Variants in SPAG16 observed in about 807,000 individuals in gnomAD.
SPAG16 encodes sperm-associated antigen 16 protein.
Under a neutral mutation model 80.4 loss-of-function variants are expected in SPAG16, and 86 were observed. That is an observed-to-expected ratio of 1.07 (90% CI 0.90 to 1.28). The LOEUF (loss-of-function observed/expected upper bound fraction) is 1.28, where lower values mean the gene tolerates loss of function less well. SPAG16 is among the 50% of genes most tolerant of loss of function. The pLI is 0.00. For missense variants in SPAG16, 870 were observed against 765.3 expected (o/e 1.14, Z -1.61); for synonymous variants, 294 against 265.9 (o/e 1.11, Z -1.03).
intron 13 of SPAG16, among the ~76,000 whole-genome samples, chr2:214,041,457 T>TC (rs1217454575): frequency 6.6e-6 from 1 of 151,602 alleles, no homozygotes; most frequent in Non-Finnish European, 1.5e-5. Flanking sequence ...AGTTTCTTTT[T>TC]TTTTTTTAAA....
chr2:213,573,425 CTT>C (rs2060001625), intron 10 of SPAG16, among the ~76,000 whole-genome samples: 1 of 152,182 alleles, frequency 6.6e-6, no homozygotes, highest in Non-Finnish European at 1.5e-5. Context: ...AAAAATAAAA[CTT>C]TCACCAAAAT....
chr2:213,351,415 C>T (rs1359996036), intron 7 of SPAG16, among the ~76,000 whole-genome samples: 2 of 152,118 alleles, frequency 1.3e-5, no homozygotes, highest in East Asian at 1.9e-4. Flanking sequence ...AAAACTCCCT[C>T]ATAGGTACTG....
At chr2:213,869,490 C>T (rs972212676) in intron 11 of SPAG16, among the ~76,000 whole-genome samples, 1 of 151,366 alleles carries the variant, frequency 6.6e-6, no homozygotes, top group African/African-American at 2.4e-5. Context: ...ACATAGTAGA[C>T]TTTTATTAAG....
At chr2:213,361,437 C>T (rs531029912) in intron 7 of SPAG16, among the ~76,000 whole-genome samples, 2 of 149,298 alleles carry the variant, frequency 1.3e-5, no homozygotes, top group African/African-American at 4.9e-5. Context: ...TATTTTAGGT[C>T]TGTCTGCTTG....
intron 4 of SPAG16, among the ~76,000 whole-genome samples, chr2:213,311,129 T>C (rs1290748360): frequency 6.6e-6 from 1 of 151,854 alleles, no homozygotes; most frequent in Admixed American, 6.6e-5. Flanking sequence ...AGGAGAATTA[T>C]TTTTCATTAA....
chr2:213,442,744 A>T (rs13385229), intron 9 of SPAG16, among the ~76,000 whole-genome samples: 3,669 of 152,278 alleles, frequency 0.024, 149 homozygotes, highest in African/African-American at 0.082. Flanking sequence ...CACAAGGCTT[A>T]TATCTTTATA....
intron 15 of SPAG16, among the ~76,000 whole-genome samples, chr2:214,169,744 A>G (rs1483217328): frequency 1.3e-5 from 2 of 152,106 alleles, no homozygotes; most frequent in Non-Finnish European, 2.9e-5. Context: ...TTAAACTTTC[A>G]GTTAAATGTG....
intron 10 of SPAG16, among the ~76,000 whole-genome samples, chr2:213,847,694 T>A (rs147112464): frequency 6.6e-6 from 1 of 152,186 alleles, no homozygotes; most frequent in East Asian, 1.9e-4. Flanking sequence ...TGCATTCTTA[T>A]GCCTACATAA....
chr2:213,982,780 C>T (rs1169700973), intron 12 of SPAG16, among the ~76,000 whole-genome samples: 1 of 151,944 alleles, frequency 6.6e-6, no homozygotes, highest in East Asian at 1.9e-4. Context: ...GAAAGTTAAC[C>T]TTGAAGTGGT....
intron 10 of SPAG16, among the ~76,000 whole-genome samples, chr2:213,744,189 C>T (rs2067709090): frequency 6.6e-6 from 1 of 152,164 alleles, no homozygotes; most frequent in African/African-American, 2.4e-5. Context: ...TTGGACAGCT[C>T]TGAACCAAAG....
chr2:214,240,857 G>C (rs1486809848), intron 15 of SPAG16: 1 of 152,072 alleles, frequency 6.6e-6, no homozygotes, highest in African/African-American at 2.4e-5. Flanking sequence ...TGCTGAAAAA[G>C]TTCATAATCA....
intron 15 of SPAG16, among the ~76,000 whole-genome samples, chr2:214,205,441 A>C (rs1360229619): frequency 6.6e-6 from 1 of 152,180 alleles, no homozygotes; most frequent in Non-Finnish European, 1.5e-5. Flanking sequence ...ATCCTGAAAA[A>C]CATAATAATT....
chr2:213,896,592 G>GCGCACACACACACACA (rs57025359), intron 11 of SPAG16, among the ~76,000 whole-genome samples: 1 of 111,880 alleles, frequency 8.9e-6, no homozygotes. Flanking sequence ...ACACACACAC[G>GCGCACACACACACACA]CACACACACA....
chr2:213,487,352 G>A (rs2074028991), intron 9 of SPAG16, among the ~76,000 whole-genome samples: 2 of 151,888 alleles, frequency 1.3e-5, no homozygotes, highest in African/African-American at 4.8e-5. Context: ...TACAAAAAAA[G>A]GTTATGTTTT....
intron 10 of SPAG16, among the ~76,000 whole-genome samples, chr2:213,706,683 G>A (rs943818455): frequency 6.6e-6 from 1 of 152,178 alleles, no homozygotes; most frequent in African/African-American, 2.4e-5. Context: ...ATTAACTAAT[G>A]CTACATCATA....
At chr2:214,354,311 G>A (rs527770928) in intron 15 of SPAG16, among the ~76,000 whole-genome samples, 239 of 151,928 alleles carry the variant, frequency 1.6e-3, no homozygotes, top group African/African-American at 5.6e-3. Context: ...ATAGTTGTAG[G>A]TATGCAGCAT....
chr2:213,513,472 G>T (rs2075308013), intron 10 of SPAG16, among the ~76,000 whole-genome samples: 2 of 152,000 alleles, frequency 1.3e-5, no homozygotes, highest in South Asian at 4.2e-4. Flanking sequence ...TTCCTATTTC[G>T]ATAGCTTTTC....
intron 10 of SPAG16, among the ~76,000 whole-genome samples, chr2:213,823,837 C>A (rs2073106146): frequency 6.6e-6 from 1 of 152,088 alleles, no homozygotes; most frequent in African/African-American, 2.4e-5. Context: ...AGGTAGATTG[C>A]AAAAATTTTC....
In SPAG16 at chr2:214,104,554, G is replaced by A. The variant is rs148740552; in HGVS notation, c.1528-3642G>A. On this transcript the variant is annotated intron_variant, in intron 13 of 15. Coordinates refer to ENST00000331683, the MANE Select transcript of SPAG16 (RefSeq NM_024532.5). The stretch of plus-strand genomic sequence containing the variant: ...GTATTTTGAAGAAAGACTTGTAGTA[G>A]ATAAGGGTTGGGGCTGGAGTGGGGG... 3.3e-3 allele frequency among the ~76,000 whole-genome samples: 507 copies of A among 152,160 alleles called. 3 individuals carry two copies. Among genetic ancestry groups the A allele is most frequent in the African/African-American group, 0.012 (493 of 41,516 alleles).
Sources: gnomAD v4.1 joint callset for allele counts (sites outside exome capture counted in the v4.1 genomes callset) on GRCh38, gnomAD v4.1.1 for gene constraint, MANE v1.5 for transcripts, NCBI Gene and HGNC (gene_info 2026-07-23, HGNC 2026-07-21) for gene names.